Variants in MPPED2 observed in about 807,000 individuals in gnomAD.
The protein encoded by MPPED2 is metallophosphoesterase domain containing 2.
Under a neutral mutation model 33.0 loss-of-function variants are expected in MPPED2, and 5 were observed. The ratio of observed to expected loss-of-function variants is 0.15; its 90% CI spans 0.08 to 0.32. The LOEUF (loss-of-function observed/expected upper bound fraction) is 0.32. MPPED2 is among the 10% of genes least tolerant of loss of function. The pLI, the probability that MPPED2 is intolerant of heterozygous loss-of-function variation, is 1.00. For synonymous variants in MPPED2, 136 were observed against 141.9 expected, an observed-to-expected ratio of 0.96 and a Z score of 0.29; for missense variants, 275 against 372.1, an observed-to-expected ratio of 0.74 and a Z score of 2.15.
chr11:30,457,587 A>C (rs1054527752), intron 4 of MPPED2, among the ~76,000 whole-genome samples: 1 of 152,146 alleles, frequency 6.6e-6, no homozygotes, highest in African/African-American at 2.4e-5. Context: ...GAATCGTTAC[A>C]TGTAAGATCG....
intron 3 of MPPED2, 47 bp downstream of exon 3, chr11:30,535,947 G>T: frequency 6.7e-7 from 1 of 1,497,904 alleles, no homozygotes; most frequent in Non-Finnish European, 8.9e-7. Context: ...AGTGACACTC[G>T]GACGGGAAAG....
chr11:30,467,887 C>T (rs1950782131), intron 4 of MPPED2, among the ~76,000 whole-genome samples: 1 of 152,068 alleles, frequency 6.6e-6, no homozygotes, highest in Admixed American at 6.6e-5. Flanking sequence ...TGGTTTTATT[C>T]AGAATCCTTA....
chr11:30,584,365 CACACACACA>C (rs2134965909), intron 1 of MPPED2: 2 of 152,476 alleles, frequency 1.3e-5, no homozygotes, highest in African/African-American at 4.9e-5. Flanking sequence ...CACACACACA[CACACACACA>C]CACCACATAC....
At chr11:30,471,526 G>C (rs183630846) in intron 4 of MPPED2, among the ~76,000 whole-genome samples, 1 of 152,310 alleles carries the variant, frequency 6.6e-6, no homozygotes, top group Admixed American at 6.5e-5. Context: ...CAGTCTTCCT[G>C]AAGCTTGTCC....
At chr11:30,550,744 C>A (rs1032091018) in intron 2 of MPPED2, among the ~76,000 whole-genome samples, 20 of 152,114 alleles carry the variant, frequency 1.3e-4, no homozygotes, top group African/African-American at 4.8e-4. Flanking sequence ...TAAAATCTCC[C>A]GCCAGGTCCA....
At chr11:30,410,166 C>T, downstream of MPPED2, 3 of 985,568 alleles carry the variant, frequency 3.0e-6, no homozygotes, top group South Asian at 9.4e-5. Flanking sequence ...GAATAAATCC[C>T]TCCTTCCCCA....
chr11:30,516,582 C>T (rs1953545407), intron 3 of MPPED2, among the ~76,000 whole-genome samples: 1 of 152,130 alleles, frequency 6.6e-6, no homozygotes, highest in Admixed American at 6.6e-5. Flanking sequence ...GACAGTAATT[C>T]TAAGAACATT....
At chr11:30,441,990 T>C (rs902893240) in intron 4 of MPPED2, among the ~76,000 whole-genome samples, 1 of 152,174 alleles carries the variant, frequency 6.6e-6, no homozygotes, top group Non-Finnish European at 1.5e-5. Context: ...ATGCAGAAGA[T>C]GTAAAATAAA....
chr11:30,550,287 C>G (rs926662361), intron 2 of MPPED2, among the ~76,000 whole-genome samples: 1 of 152,154 alleles, frequency 6.6e-6, no homozygotes, highest in African/African-American at 2.4e-5. Flanking sequence ...GTGTCTTTCC[C>G]ACCCCTGCTG....
chr11:30,487,054 C>G (rs753689058), intron 4 of MPPED2, among the ~76,000 whole-genome samples: 3 of 152,238 alleles, frequency 2.0e-5, no homozygotes, highest in Non-Finnish European at 4.4e-5. Flanking sequence ...ATGTGCCAGG[C>G]ACTGAGCTTG....
intron 3 of MPPED2, among the ~76,000 whole-genome samples, chr11:30,527,935 A>C (rs921386759): frequency 6.6e-6 from 1 of 152,240 alleles, no homozygotes; most frequent in African/African-American, 2.4e-5. Context: ...CACTACTTGT[A>C]CACATTGGGT....
exon 7 of MPPED2, chr11:30,387,065 C>A: frequency 3.4e-6 from 1 of 297,646 alleles, no homozygotes; most frequent in Non-Finnish European, 6.2e-6. Context: ...AGCGTGCACG[C>A]ATATAAGCAC....
chr11:30,491,162 G>A (rs149923715), intron 4 of MPPED2, among the ~76,000 whole-genome samples: 2 of 152,306 alleles, frequency 1.3e-5, no homozygotes, highest in South Asian at 2.1e-4. Flanking sequence ...GAGAAAAGTG[G>A]TACCTATGGT....
chr11:30,495,646 C>T (rs1321311423), intron 3 of MPPED2, 125 bp from the exon 4 acceptor site: 6 of 665,782 alleles, frequency 9.0e-6, no homozygotes, highest in Non-Finnish European at 1.6e-5. Flanking sequence ...CTTTACATTT[C>T]CATGTGAACT....
intron 1 of MPPED2, among the ~76,000 whole-genome samples, chr11:30,581,776 A>G (rs1459101284): frequency 6.6e-6 from 1 of 152,212 alleles, no homozygotes; most frequent in Admixed American, 6.5e-5. Context: ...TTCTACTCAA[A>G]TCATTGCCTT....
intron 6 of MPPED2, among the ~76,000 whole-genome samples, chr11:30,402,514 A>G (rs1386961454): frequency 6.6e-6 from 1 of 152,124 alleles, no homozygotes; most frequent in Non-Finnish European, 1.5e-5. Flanking sequence ...CAACCAGGCT[A>G]CTCACCTGTC....
chr11:30,408,500 C>G (rs534768218), downstream of MPPED2, among the ~76,000 whole-genome samples: 299 of 152,168 alleles, frequency 2.0e-3, no homozygotes, highest in African/African-American at 6.8e-3. Context: ...TTAGTAGAGA[C>G]GGGGTTTCAC....
At chr11:30,531,630 C>T (rs978927400) in intron 3 of MPPED2, among the ~76,000 whole-genome samples, 4 of 152,186 alleles carry the variant, frequency 2.6e-5, no homozygotes, top group African/African-American at 4.8e-5. Context: ...AATGTCATAA[C>T]ATAATTTAGA....
At chr11:30,505,246 C>A (rs567490841) in intron 3 of MPPED2, among the ~76,000 whole-genome samples, 1 of 152,330 alleles carries the variant, frequency 6.6e-6, no homozygotes, top group South Asian at 2.1e-4. Context: ...CTTGCCTCAA[C>A]CATGGCCTTA....
Sources: gnomAD v4.1 joint callset for allele counts (sites outside exome capture counted in the v4.1 genomes callset) on GRCh38, gnomAD v4.1.1 for gene constraint, MANE v1.5 for transcripts, NCBI Gene and HGNC (gene_info 2026-07-23, HGNC 2026-07-21) for gene names.